MXI1: variants seen among roughly 807,000 people sequenced by gnomAD.
The protein encoded by MXI1 is max-interacting protein 1.
MXI1 carries 18 observed loss-of-function variants against 36.9 expected under a neutral mutation model. The observed-to-expected ratio is 0.49, with a 90% CI of 0.34 to 0.72. The LOEUF (loss-of-function observed/expected upper bound fraction) is 0.72. MXI1 is among the 30% of genes least tolerant of loss of function. MXI1 has a pLI of 0.01. For missense variants in MXI1, 304 were observed against 379.1 expected (o/e 0.80, Z 1.64); for synonymous variants, 160 against 146.7 (o/e 1.09, Z -0.65).
intron 2 of MXI1, among the ~76,000 whole-genome samples, chr10:110,235,977 A>G (rs1257179609): frequency 6.6e-6 from 1 of 152,148 alleles, no homozygotes; most frequent in Non-Finnish European, 1.5e-5. Context: ...ACTGCACTCC[A>G]GCCTGGGCAA....
intron 1 of MXI1, chr10:110,210,134 C>G (rs1313174187): frequency 2.1e-6 from 1 of 466,718 alleles, no homozygotes; most frequent in Non-Finnish European, 2.8e-6. Flanking sequence ...AGCAGAGAGC[C>G]GGGCGCGCCG....
chr10:110,215,134 T>C (rs1307669264), intron 1 of MXI1, among the ~76,000 whole-genome samples: 1 of 146,298 alleles, frequency 6.8e-6, no homozygotes, highest in Non-Finnish European at 1.5e-5. Flanking sequence ...CTCCACCTCC[T>C]GGGTTCAAGT....
intron 3 of MXI1, among the ~76,000 whole-genome samples, chr10:110,277,131 C>T (rs1389730138): frequency 1.3e-5 from 2 of 152,120 alleles, no homozygotes; most frequent in African/African-American, 4.8e-5. Flanking sequence ...CATGAGCCAC[C>T]ATGCCCAGCC....
At position 110,286,712 on chromosome 10, in the gene MXI1, G is replaced by A. The variant is rs1267760885; in HGVS notation, c.*1725G>A. ...AGCATTCACTGCTTCTATATATAGT[G>A]TACCATCTTGGTCATACATTACGCC... On this transcript the variant is annotated 3_prime_UTR_variant, in exon 6 of 6. Transcript: ENST00000332674. 1 of 152,428 alleles carries A rather than the reference G, an allele frequency of 6.6e-6. No homozygotes were observed. Among genetic ancestry groups the A allele is most frequent in the African/African-American group, 2.4e-5 (1 of 41,420 alleles). The allele number at this position is 152,428 out of a possible 1,614,324, so 9.4% of individuals were successfully genotyped here.
At chr10:110,228,101 C>T (rs1855127029) in intron 1 of MXI1, 88 bp from the exon 2 acceptor site, 2 of 1,461,560 alleles carry the variant, frequency 1.4e-6, no homozygotes, top group Non-Finnish European at 1.9e-6. Context: ...TTTCAAAAAC[C>T]TGTTACTGCA....
rs1857394791 is a variant in MXI1 at position 110,284,993 on chromosome 10, A to C, written c.*6A>C. On this transcript the variant is annotated 3_prime_UTR_variant, in exon 6 of 6. Coordinates refer to ENST00000332674, the MANE Select transcript of MXI1 (RefSeq NM_130439.3). Reference sequence around the variant, plus strand: ...AACTTTCATTCACTTCATAGAACCCAGCATGACATAACAGTGCAGGGCAAA... The same window carrying C: ...AACTTTCATTCACTTCATAGAACCCCGCATGACATAACAGTGCAGGGCAAA... The C allele has an allele frequency of 2.5e-6, 4 of 1,609,274 alleles. No individual in the cohort carries two copies. Among genetic ancestry groups the C allele is most frequent in the Admixed American group, 3.4e-5 (2 of 59,016 alleles).
chr10:110,209,306 A>AGT (rs759077262), intron 1 of MXI1, among the ~76,000 whole-genome samples: 2 of 151,852 alleles, frequency 1.3e-5, no homozygotes, highest in East Asian at 1.9e-4. Context: ...ATGAGGCGCG[A>AGT]GTGTGTGTGT....
intron 1 of MXI1, among the ~76,000 whole-genome samples, chr10:110,217,096 A>C (rs1854670717): frequency 6.6e-6 from 1 of 151,962 alleles, no homozygotes; most frequent in Non-Finnish European, 1.5e-5. Flanking sequence ...GCAGTTCTTT[A>C]CAGATAGGGG....
chr10:110,278,989 A>G (rs1489648466), intron 3 of MXI1, among the ~76,000 whole-genome samples, 191 bp from the exon 4 acceptor site: 4 of 152,234 alleles, frequency 2.6e-5, no homozygotes, highest in Non-Finnish European at 5.9e-5. Context: ...AGTGTTGTCT[A>G]AAGAGTACAA....
intron 1 of MXI1, among the ~76,000 whole-genome samples, chr10:110,209,394 A>G (rs935955148): frequency 2.0e-5 from 3 of 151,638 alleles, no homozygotes; most frequent in Non-Finnish European, 2.9e-5. Context: ...AGATCTTGCA[A>G]CCTTCCCCCC....
intron 1 of MXI1, among the ~76,000 whole-genome samples, chr10:110,219,203 G>C (rs1240298799): frequency 6.6e-6 from 1 of 152,202 alleles, no homozygotes; most frequent in Admixed American, 6.5e-5. Flanking sequence ...GGGAGGCTGA[G>C]GCAGGAGAAT....
At chr10:110,278,645 CTAAT>C (rs1292876351) in intron 3 of MXI1, among the ~76,000 whole-genome samples, 1 of 151,736 alleles carries the variant, frequency 6.6e-6, no homozygotes, top group African/African-American at 2.4e-5. Flanking sequence ...GTGGTTCAAA[CTAAT>C]ATATAACAAC....
chr10:110,241,808 C>T (rs892744212), intron 2 of MXI1, among the ~76,000 whole-genome samples: 2 of 151,912 alleles, frequency 1.3e-5, no homozygotes, highest in Non-Finnish European at 2.9e-5. Context: ...CAGTAGCTAG[C>T]ATCTATTAAA....
chr10:110,208,360 A>T (rs968519830), intron 1 of MXI1: 5 of 245,576 alleles, frequency 2.0e-5, no homozygotes, highest in Non-Finnish European at 3.1e-5. Flanking sequence ...GGAGCGGGGG[A>T]GTGTTGTTGT....
chr10:110,251,766 G>A (rs1856099510), intron 3 of MXI1, among the ~76,000 whole-genome samples: 1 of 152,128 alleles, frequency 6.6e-6, no homozygotes, highest in African/African-American at 2.4e-5. Flanking sequence ...AAAGAATAAG[G>A]AAAGGAGTCA....
chr10:110,246,058 A>C (rs1054688076), intron 3 of MXI1, among the ~76,000 whole-genome samples: 2 of 152,160 alleles, frequency 1.3e-5, no homozygotes. Context: ...ATGGTGGCTC[A>C]TGCTTGTAAT....
chr10:110,222,993 A>G (rs577213301), intron 1 of MXI1, among the ~76,000 whole-genome samples: 2 of 152,320 alleles, frequency 1.3e-5, no homozygotes, highest in South Asian at 4.1e-4. Context: ...CCAGCCCTTA[A>G]TACTGCCCAC....
At chr10:110,257,780 CT>C in intron 3 of MXI1, 1 of 330,718 alleles carries the variant, frequency 3.0e-6, no homozygotes, top group Non-Finnish European at 6.0e-6. Flanking sequence ...GAGACGCGTA[CT>C]TTATAAGAAC....
intron 3 of MXI1, among the ~76,000 whole-genome samples, chr10:110,265,017 A>T (rs1480941957): frequency 1.3e-5 from 2 of 152,020 alleles, no homozygotes; most frequent in Non-Finnish European, 2.9e-5. Flanking sequence ...ACTTCTATTT[A>T]GGATTTTTTA....
Sources: allele counts gnomAD v4.1 joint callset (sites outside exome capture counted in the v4.1 genomes callset), GRCh38; gene constraint gnomAD v4.1.1; transcripts MANE v1.5; gene names NCBI Gene and HGNC (gene_info 2026-07-23, HGNC 2026-07-21).